Variants in TNIP2 observed in about 807,000 individuals in gnomAD.
TNIP2 encodes the protein TNFAIP3-interacting protein 2.
Under a neutral mutation model 43.7 loss-of-function variants are expected in TNIP2, and 30 were observed. The ratio of observed to expected loss-of-function variants is 0.69; its 90% confidence interval spans 0.51 to 0.93. The LOEUF (loss-of-function observed/expected upper bound fraction) is 0.93. Ranked by LOEUF, TNIP2 falls within the 40% of genes least tolerant of loss-of-function variation. The pLI is 0.00. For missense variants in TNIP2, 599 were observed against 591.0 expected, an observed-to-expected ratio of 1.01 and a Z score of -0.14; for synonymous variants, 260 against 254.6, an observed-to-expected ratio of 1.02 and a Z score of -0.20.
intron 1 of TNIP2, 56 bp from the exon 2 acceptor site, chr4:2,748,001 G>A (rs1205893702): frequency 4.5e-6 from 7 of 1,569,196 alleles, no homozygotes; most frequent in East Asian, 2.3e-5. Flanking sequence ...AGTGTCAAGA[G>A]CAAATGTTCA....
chr4:2,745,420 T>G lies in TNIP2; in HGVS notation c.657+26A>C, dbSNP rs770607478. 1.3e-5 allele frequency: 20 copies of G among 1,562,814 alleles called. No homozygotes were observed. The South Asian group carries it at 2.3e-4, about 18-fold the overall frequency. ...ACAGTTTGTAAGCCATGTGTTCTTC[T>G]CAAACGAAATGTGAAAGACACTCAC... On this transcript the variant is annotated intron_variant, in intron 3 of 5. Transcript: ENST00000315423.
chr4:2,755,160 T>C (rs1230939937), intron 1 of TNIP2, among the ~76,000 whole-genome samples: 1 of 151,796 alleles, frequency 6.6e-6, no homozygotes, highest in Non-Finnish European at 1.5e-5. Context: ...GTACACGACC[T>C]TGGACCCAAG....
Position 2,745,510 on chromosome 4 carries a change from G to A in TNIP2, c.593C>T (p.Ser198Phe). 1.2e-6 allele frequency: 2 copies of A among 1,614,048 alleles called. No homozygotes were observed. The highest frequency in any genetic ancestry group is 1.1e-5 in the South Asian group (1 of 91,020). ...DQSEHTDGHT[S>F]VQSVIEKLQE... ...CAACTTCTCAATAACACTCTGGACA[G>A]AGGTGTGCCCATCTGTGTGTTCCGA... is the stretch of plus-strand genomic sequence containing the variant. The change falls in exon 3 of 6, where the codon TCT (serine) becomes TTT (phenylalanine). Residue 198 changes from serine to phenylalanine, a missense_variant. Coordinates refer to ENST00000315423, the MANE Select transcript of TNIP2 (RefSeq NM_024309.4).
chr4:2,754,371 T>G (rs533749990), intron 1 of TNIP2, among the ~76,000 whole-genome samples: 1 of 152,386 alleles, frequency 6.6e-6, no homozygotes, highest in African/African-American at 2.4e-5. Flanking sequence ...AAAACAGACA[T>G]AAACATCATA....
rs777410858 is a variant in TNIP2 at position 2,747,816 on chromosome 4, C to T, written c.406G>A (p.Ala136Thr). ...LRRSMAEGER[A>T]RAASDVLCRS... is the part of the protein sequence containing the mutation. The stretch of plus-strand genomic sequence containing the variant: ...CACAGGACGTCACTGGCGGCCCGGG[C>T]GCGCTCCCCTTCTGCCATGCTCCTC... The change falls in exon 2 of 6, where the codon GCC becomes ACC. Residue 136 changes from alanine to threonine, a missense_variant. Coordinates refer to ENST00000315423, the MANE Select transcript of TNIP2 (RefSeq NM_024309.4). The T allele has an allele frequency of 3.7e-6, 6 of 1,613,202 alleles. No homozygotes were observed. Among genetic ancestry groups the T allele is most frequent in the African/African-American group, 1.3e-5 (1 of 75,060 alleles).
At chr4:2,753,208 G>A (rs1015817357) in intron 1 of TNIP2, among the ~76,000 whole-genome samples, 2 of 152,264 alleles carry the variant, frequency 1.3e-5, no homozygotes, top group East Asian at 3.9e-4. Flanking sequence ...GGAGGCCAAG[G>A]CAGGAGGATC....
chr4:2,753,164 C>T (rs925940183), intron 1 of TNIP2, among the ~76,000 whole-genome samples: 3 of 152,192 alleles, frequency 2.0e-5, no homozygotes, highest in East Asian at 1.9e-4. Flanking sequence ...CCATGCTGGG[C>T]GTGGTGGCTC....
At chr4:2,748,180 T>A (rs1311171662) in intron 1 of TNIP2, among the ~76,000 whole-genome samples, 5 of 145,088 alleles carry the variant, frequency 3.4e-5, no homozygotes, top group East Asian at 2.0e-4. Context: ...TCATCTCAAA[T>A]TTTTTTTTTT....
chr4:2,748,010 C>T (rs1028085104), intron 1 of TNIP2, 65 bp from the exon 2 acceptor site: 45 of 1,552,684 alleles, frequency 2.9e-5, no homozygotes, highest in Non-Finnish European at 3.7e-5. Context: ...AGCAAATGTT[C>T]AGAAAGCAAA....
In TNIP2 at chr4:2,744,898, G is replaced by A. The variant is rs1402726538; in HGVS notation, c.705C>T (p.Asp235=). The part of the protein sequence containing the change: ...AKWQRYNASR[D]EYVRGLHAQL... Reference sequence around the variant, plus strand: ...GCGCATGGAGCCCCCTCACGTATTCGTCCCTGCTGGCGTTGTAGCGCTGCC... The same window carrying A: ...GCGCATGGAGCCCCCTCACGTATTCATCCCTGCTGGCGTTGTAGCGCTGCC... Residue 235 remains aspartate, a synonymous_variant, in exon 4 of 6, where the codon GAC becomes GAT. Transcript: ENST00000315423. This position sits in a 1 kb window ranked among gnomAD's most constrained non-coding sequence, Gnocchi z 5.1. The A allele has an allele frequency of 5.0e-6, 8 of 1,613,026 alleles. No homozygotes were observed. The highest frequency in any genetic ancestry group is 1.1e-5 in the South Asian group (1 of 91,070).
At chr4:2,751,440 C>T (rs983332967) in intron 1 of TNIP2, among the ~76,000 whole-genome samples, 10 of 152,208 alleles carry the variant, frequency 6.6e-5, no homozygotes, top group African/African-American at 2.4e-4. Flanking sequence ...GGCCTCTTGG[C>T]TTTTAGCGCT....
At position 2,742,363 on chromosome 4, in the gene TNIP2, G is replaced by GCGCCAGGATGCC. The variant is rs771117628; in HGVS notation, c.1172_1183dup (p.Gly391_Gly394dup). ...AAGGTCCCCCTGGCCTCTCTGGGCC[G>GCGCCAGGATGCC]CGCCAGGATGCCCGCCCTCTGCAGG... On this transcript the variant is annotated inframe_insertion, in exon 6 of 6. Transcript: ENST00000315423. 2.2e-5 allele frequency: 36 copies of GCGCCAGGATGCC among 1,601,172 alleles called. No individual in the cohort carries two copies. Among genetic ancestry groups the GCGCCAGGATGCC allele is most frequent in the East Asian group, 2.0e-4 (9 of 44,086 alleles).
chr4:2,753,682 C>G (rs560369083), intron 1 of TNIP2, among the ~76,000 whole-genome samples: 1 of 152,166 alleles, frequency 6.6e-6, no homozygotes, highest in South Asian at 2.1e-4. Flanking sequence ...TGCATCCTGT[C>G]CCACCAACAT....
chr4:2,742,801 A>G (rs1322929009), intron 5 of TNIP2, among the ~76,000 whole-genome samples: 1 of 152,204 alleles, frequency 6.6e-6, no homozygotes, highest in Non-Finnish European at 1.5e-5. Context: ...TATCGGCCCC[A>G]GGAGACCTGA....
At chr4:2,750,644 A>G (rs548710248) in intron 1 of TNIP2, among the ~76,000 whole-genome samples, 6 of 150,022 alleles carry the variant, frequency 4.0e-5, no homozygotes, top group Admixed American at 1.3e-4. Flanking sequence ...GACCCTCTTC[A>G]GGGATAAAGG....
At chr4:2,755,874 ACC>A in intron 1 of TNIP2, 138 bp downstream of exon 1, 7 of 971,948 alleles carry the variant, frequency 7.2e-6, no homozygotes, top group Non-Finnish European at 8.9e-6. Context: ...ACCCCTCAGG[ACC>A]CGAGGCCAAC....
intron 1 of TNIP2, among the ~76,000 whole-genome samples, chr4:2,755,014 G>T (rs1722192743): frequency 6.6e-6 from 1 of 152,154 alleles, no homozygotes; most frequent in Non-Finnish European, 1.5e-5. Flanking sequence ...GTGAGCCACT[G>T]CACCCAGCCT....
intron 1 of TNIP2, 96 bp from the exon 2 acceptor site, chr4:2,748,041 C>T (rs1439609207): frequency 3.0e-6 from 4 of 1,320,402 alleles, no homozygotes; most frequent in Non-Finnish European, 4.1e-6. Context: ...GCGTGGATGC[C>T]CCATCACCAG....
At position 2,747,811 on chromosome 4, in the gene TNIP2, C is replaced by T. The variant is rs1721991778; in HGVS notation, c.411G>A (p.Arg137=). ...RRSMAEGERA[R]AASDVLCRSL... The stretch of plus-strand genomic sequence containing the variant: ...AGCGGCACAGGACGTCACTGGCGGC[C>T]CGGGCGCGCTCCCCTTCTGCCATGC... The change falls in exon 2 of 6, where the codon CGG becomes CGA. Residue 137 remains arginine (R), a synonymous_variant. Coordinates refer to ENST00000315423, the MANE Select transcript of TNIP2 (RefSeq NM_024309.4). 6.2e-7 allele frequency: 1 copy of T among 1,613,132 alleles called. No homozygotes were observed. The highest frequency in any genetic ancestry group is 8.5e-7 in the Non-Finnish European group (1 of 1,180,044).
Sources: allele counts gnomAD v4.1 joint callset (sites outside exome capture counted in the v4.1 genomes callset), GRCh38; gene constraint gnomAD v4.1.1; non-coding constraint Gnocchi (gnomAD v3.1); transcripts MANE v1.5; gene names NCBI Gene and HGNC (gene_info 2026-07-23, HGNC 2026-07-21).